PRDM1: variants seen among roughly 807,000 people sequenced by gnomAD.
PRDM1 encodes the protein PR domain zinc finger protein 1.
In PRDM1, 13 loss-of-function variants were observed where a neutral mutation model predicts 62.8. The ratio of observed to expected loss-of-function variants is 0.21; its 90% confidence interval spans 0.13 to 0.33. PRDM1 has a LOEUF of 0.33. PRDM1 is among the 10% of genes least tolerant of loss of function. The pLI is 1.00. For missense variants in PRDM1, 895 were observed against 1,058.8 expected (o/e 0.85, Z 2.15); for synonymous variants, 396 against 417.6 (o/e 0.95, Z 0.63).
upstream of PRDM1, among the ~76,000 whole-genome samples, chr6:106,083,187 A>T (rs1773721683): frequency 9.1e-6 from 1 of 109,824 alleles, no homozygotes; most frequent in Non-Finnish European, 1.8e-5. Flanking sequence ...AAGATGCCTA[A>T]CTTACAGGAA....
intron 1 of PRDM1, among the ~76,000 whole-genome samples, chr6:106,036,442 G>A (rs1211670677): frequency 6.6e-6 from 1 of 151,960 alleles, no homozygotes; most frequent in Non-Finnish European, 1.5e-5. Context: ...TAATTTCTTT[G>A]TATTTGCCAT....
rs1554205648 is a variant in PRDM1, at chr6:106,107,697, T to TATATATATATA, written c.*213_*214insATATATATAAT. 4.4e-6 allele frequency: 1 copy of TATATATATATA among 225,708 alleles called. No homozygotes were observed. Among genetic ancestry groups the TATATATATATA allele is most frequent in the East Asian group, 6.8e-5 (1 of 14,622 alleles). The allele number at this position is 225,708 out of a possible 1,614,324, so 14.0% of individuals were successfully genotyped here. A position where few individuals can be genotyped will look rare whatever the true frequency, so the allele number is the denominator to read the frequency against. On this transcript the variant is annotated 3_prime_UTR_variant, in exon 7 of 7. Coordinates refer to ENST00000369096, the MANE Select transcript of PRDM1 (RefSeq NM_001198.4). ...AAGGCCATATATATATATATATATATATCTGTATACATATTATATATACTT... is the reference window on the plus strand; with the variant it reads ...AAGGCCATATATATATATATATATATATATATATATAATCTGTATACATATTATATATACTT...
Position 106,105,260 on chromosome 6 carries a change from C to T in PRDM1, c.1100C>T (p.Ser367Phe), listed in dbSNP as rs372820369. Residue 367 changes from serine to phenylalanine, a missense_variant, in exon 5 of 7, where the codon TCT becomes TTT. By Grantham distance (155) the Ser-to-Phe change is radical. Coordinates refer to ENST00000369096, the MANE Select transcript of PRDM1 (RefSeq NM_001198.4). ...GNTVSPVGPG[S>F]QEHRDSYAYL... is the part of the protein sequence containing the mutation. ...ACGGTGTCCCCTGTGGGCCCCGGCT[C>T]TCAAGAGCACCGGGACTCCTACGCT... 6.8e-5 allele frequency: 109 copies of T among 1,613,760 alleles called. 1 individual carries two copies. The highest frequency in any genetic ancestry group is 4.9e-4 in the East Asian group (22 of 44,884).
chr6:106,036,053 T>G (rs1458546142), intron 1 of PRDM1, among the ~76,000 whole-genome samples: 1 of 151,776 alleles, frequency 6.6e-6, no homozygotes, highest in Non-Finnish European at 1.5e-5. Flanking sequence ...CAGGCGTGAG[T>G]CACTGTGCCT....
chr6:106,016,998 G>A (rs747550143), intron 1 of PRDM1, among the ~76,000 whole-genome samples: 2 of 152,070 alleles, frequency 1.3e-5, no homozygotes, highest in Non-Finnish European at 2.9e-5. Flanking sequence ...TTGGAGATTT[G>A]CAATAATTTG....
intron 1 of PRDM1, among the ~76,000 whole-genome samples, chr6:106,033,788 A>T (rs927524102): frequency 6.8e-6 from 1 of 146,492 alleles, no homozygotes; most frequent in African/African-American, 2.5e-5. Flanking sequence ...TTTTCTCTTT[A>T]TTTTTTTTTT....
chr6:106,034,646 T>TTTTC (rs1772899120), intron 1 of PRDM1, among the ~76,000 whole-genome samples: 1 of 144,550 alleles, frequency 6.9e-6, no homozygotes, highest in Non-Finnish European at 1.5e-5. Flanking sequence ...TTTTTTTTTT[T>TTTTC]TTTTTTTTGA....
chr6:105,998,921 ATATATATATATATTTTTTTTTTT>A (rs1459155638), intron 1 of PRDM1, among the ~76,000 whole-genome samples: 344 of 2,772 alleles, frequency 0.12, 5 homozygotes, highest in African/African-American at 0.27. Context: ...ATATATATAT[ATATATATATATATTTTTTTTTTT>A]TTTTTTCTTT....
At chr6:106,047,572 GA>G (rs530821578), upstream of PRDM1, among the ~76,000 whole-genome samples, 23 of 152,302 alleles carry the variant, frequency 1.5e-4, no homozygotes, top group Admixed American at 1.5e-3. Context: ...CTAACCAGGG[GA>G]AAATGTGTAT....
chr6:106,059,952 A>G (rs1256127392), intron 1 of PRDM1, among the ~76,000 whole-genome samples: 1 of 152,198 alleles, frequency 6.6e-6, no homozygotes, highest in Non-Finnish European at 1.5e-5. Context: ...AGCTTTGGAA[A>G]GAGAGAATCA....
chr6:106,107,304 GAGAA>G lies in PRDM1; in HGVS notation c.2301_2304del (p.Glu768LysfsTer4). 6.2e-7 allele frequency: 1 copy of G among 1,614,188 alleles called. No homozygotes were observed. Among genetic ancestry groups the G allele is most frequent in the Non-Finnish European group, 8.5e-7 (1 of 1,180,034 alleles). On this transcript the variant is annotated frameshift_variant, in exon 7 of 7. Coordinates refer to ENST00000369096, the MANE Select transcript of PRDM1 (RefSeq NM_001198.4). LOFTEE classifies it high-confidence loss of function. ...GGAAATTCTGGCCGTGGTCAGAAAA[GAGAA>G]AGAAGAAACTGGCCTGAAAGTGTCT... is the stretch of plus-strand genomic sequence containing the variant.
chr6:106,040,483 T>C (rs778156353), intron 1 of PRDM1, among the ~76,000 whole-genome samples: 12 of 152,228 alleles, frequency 7.9e-5, no homozygotes, highest in Non-Finnish European at 1.6e-4. Context: ...TTAAGAGATA[T>C]ACTGTCCTCC....
At chr6:106,030,172 GT>G (rs990047413) in intron 1 of PRDM1, among the ~76,000 whole-genome samples, 4 of 151,914 alleles carry the variant, frequency 2.6e-5, no homozygotes, top group African/African-American at 9.6e-5. Flanking sequence ...ATTTTGTTTT[GT>G]TTTGTTTGTT....
At chr6:106,033,712 T>C (rs779754333) in intron 1 of PRDM1, among the ~76,000 whole-genome samples, 4 of 152,166 alleles carry the variant, frequency 2.6e-5, no homozygotes, top group African/African-American at 4.8e-5. Flanking sequence ...AGTTTTCTTG[T>C]AGTGTCTTTG....
chr6:106,023,158 A>G lies in PRDM1; in HGVS notation c.-67+29519A>G, dbSNP rs574478649. ...TCTTGATGTAAAAGTAAATTTGGTC[A>G]GTAGTGGGGAATTGTCATGATTTGA... is the stretch of plus-strand genomic sequence containing the variant. On this transcript the variant is annotated intron_variant, in intron 1 of 6. Coordinates refer to the PRDM1 transcript ENST00000652320. 1.4e-4 allele frequency among the ~76,000 whole-genome samples: 22 copies of G among 152,326 alleles called. No individual in the cohort carries two copies. The South Asian group carries it at 4.3e-3, about 30-fold the overall frequency.
chr6:106,071,242 C>T (rs1773511133), intron 1 of PRDM1, among the ~76,000 whole-genome samples: 1 of 151,478 alleles, frequency 6.6e-6, no homozygotes, highest in Non-Finnish European at 1.5e-5. Flanking sequence ...CACTGTACTC[C>T]AGCCAGGGGG....
upstream of PRDM1, among the ~76,000 whole-genome samples, chr6:106,083,446 T>G (rs1258161488): frequency 6.6e-6 from 1 of 152,142 alleles, no homozygotes; most frequent in East Asian, 1.9e-4. Flanking sequence ...GTCTCCAGAT[T>G]TGGTGCTCAA....
At chr6:105,996,608 A>G (rs1009838975) in intron 1 of PRDM1, among the ~76,000 whole-genome samples, 2 of 152,194 alleles carry the variant, frequency 1.3e-5, no homozygotes, top group Admixed American at 6.5e-5. Context: ...AATATATGCC[A>G]TATTTTGAAA....
rs1273843125 is a variant in PRDM1 at position 106,107,838 on chromosome 6, A to G, written c.*352A>G. ...CCTAGTCATAATTATTTTTTCAATGATAATCCTTCATAATTTATTATACAA... is the reference window on the plus strand; with the variant it reads ...CCTAGTCATAATTATTTTTTCAATGGTAATCCTTCATAATTTATTATACAA... On this transcript the variant is annotated 3_prime_UTR_variant, in exon 7 of 7. Transcript: ENST00000369096. The G allele has an allele frequency of 8.6e-6, 2 of 232,236 alleles. No individual in the cohort carries two copies. The highest frequency in any genetic ancestry group is 1.2e-4 in the East Asian group (2 of 16,322). The allele number at this position is 232,236 out of a possible 1,614,324, so 14.4% of individuals were successfully genotyped here. A position where few individuals can be genotyped will look rare whatever the true frequency, so the allele number is the denominator to read the frequency against.
Sources: gnomAD v4.1 joint callset for allele counts (sites outside exome capture counted in the v4.1 genomes callset) on GRCh38, gnomAD v4.1.1 for gene constraint, MANE v1.5 for transcripts, NCBI Gene and HGNC (gene_info 2026-07-23, HGNC 2026-07-21) for gene names.